The following SLC35F1 variants were observed in gnomAD, a reference collection of about 807,000 sequenced individuals.
The protein encoded by SLC35F1 is chromosome 6 open reading frame 169.
In SLC35F1, 14 loss-of-function variants were observed where a neutral mutation model predicts 48.7. The ratio of observed to expected loss-of-function variants is 0.29; its 90% CI spans 0.19 to 0.45. The LOEUF (loss-of-function observed/expected upper bound fraction) is 0.45, where lower values mean the gene tolerates loss of function less well. SLC35F1 is among the 20% of genes least tolerant of loss of function. SLC35F1 has a pLI of 1.00. For missense variants in SLC35F1, 404 were observed against 500.0 expected, an observed-to-expected ratio of 0.81 and a Z score of 1.83; for synonymous variants, 190 against 202.2, an observed-to-expected ratio of 0.94 and a Z score of 0.51.
intron 2 of SLC35F1, among the ~76,000 whole-genome samples, chr6:118,193,266 G>A (rs1774756487): frequency 6.6e-6 from 1 of 152,046 alleles, no homozygotes; most frequent in South Asian, 2.1e-4. Flanking sequence ...AAGGTCAAAA[G>A]GTTTATTCTC....
intron 1 of SLC35F1, among the ~76,000 whole-genome samples, chr6:118,146,930 C>T (rs1041765617): frequency 9.9e-5 from 15 of 152,142 alleles, no homozygotes; most frequent in Non-Finnish European, 1.5e-4. Context: ...AGATCAGTAT[C>T]TTCTAAAAGT....
At chr6:118,243,448 T>C (rs1193482004) in intron 3 of SLC35F1, among the ~76,000 whole-genome samples, 2 of 152,120 alleles carry the variant, frequency 1.3e-5, no homozygotes, top group Non-Finnish European at 2.9e-5. Context: ...ACCCCAATTC[T>C]ACAAAAAGAA....
chr6:118,214,956 T>C (rs465226), intron 2 of SLC35F1, among the ~76,000 whole-genome samples: 10,126 of 152,244 alleles, frequency 0.067, 398 homozygotes, highest in South Asian at 0.12. Flanking sequence ...AGTAATCAAC[T>C]GATAATTGAC....
At chr6:118,081,987 A>G (rs1180690628) in intron 1 of SLC35F1, among the ~76,000 whole-genome samples, 1 of 152,212 alleles carries the variant, frequency 6.6e-6, no homozygotes, top group Admixed American at 6.5e-5. Context: ...GTTAATCTGT[A>G]TCAATAACCT....
At chr6:117,916,063 T>C (rs951464111) in intron 1 of SLC35F1, among the ~76,000 whole-genome samples, 1 of 152,168 alleles carries the variant, frequency 6.6e-6, no homozygotes, top group African/African-American at 2.4e-5. Context: ...GGGTGCTGAG[T>C]GAGCTAGAGG....
At chr6:118,224,529 G>A (rs982160954) in intron 2 of SLC35F1, among the ~76,000 whole-genome samples, 5 of 151,948 alleles carry the variant, frequency 3.3e-5, no homozygotes, top group Non-Finnish European at 7.4e-5. Context: ...TGAGTATCCG[G>A]GACTATAGGC....
At chr6:118,085,831 GA>G (rs535648892) in intron 1 of SLC35F1, among the ~76,000 whole-genome samples, 67 of 152,194 alleles carry the variant, frequency 4.4e-4, no homozygotes, top group Admixed American at 1.4e-3. Context: ...TTGATGGATG[GA>G]TTTGGGGCCT....
chr6:118,037,130 A>T (rs1196580734), intron 1 of SLC35F1, among the ~76,000 whole-genome samples: 1 of 152,186 alleles, frequency 6.6e-6, no homozygotes, highest in Non-Finnish European at 1.5e-5. Flanking sequence ...TTGCCTTTGT[A>T]AAATTAAGTT....
chr6:117,907,562 G>A lies in SLC35F1; in HGVS notation c.-165G>A. 2.6e-6 allele frequency: 1 copy of A among 385,856 alleles called. No individual in the cohort carries two copies. Among genetic ancestry groups the A allele is most frequent in the East Asian group, 4.2e-5 (1 of 24,004 alleles). The allele number at this position is 385,856 out of a possible 1,614,324, so 23.9% of individuals were successfully genotyped here. On this transcript the variant is annotated 5_prime_UTR_variant, in exon 1 of 8. Transcript: ENST00000360388. ...GGAGTGAGTGGCGGGCTGGGCGGCG[G>A]CGGCCGTAGCCGCGGGTGCCTCCCC...
chr6:118,308,388 C>G (rs1413161759), intron 7 of SLC35F1, among the ~76,000 whole-genome samples: 1 of 152,094 alleles, frequency 6.6e-6, no homozygotes, highest in African/African-American at 2.4e-5. Context: ...CTCATTTTTC[C>G]CAGGAATAAT....
intron 1 of SLC35F1, among the ~76,000 whole-genome samples, chr6:118,091,135 T>A (rs1392092286): frequency 1.3e-5 from 2 of 152,226 alleles, no homozygotes; most frequent in Non-Finnish European, 2.9e-5. Flanking sequence ...AGAACATGTT[T>A]GGATGTGTTG....
chr6:118,122,719 TG>T (rs1773569267), intron 1 of SLC35F1, among the ~76,000 whole-genome samples: 1 of 152,218 alleles, frequency 6.6e-6, no homozygotes, highest in African/African-American at 2.4e-5. Context: ...AGCTGTGCTG[TG>T]GCCAAAAGGC....
intron 7 of SLC35F1, among the ~76,000 whole-genome samples, chr6:118,288,067 A>T (rs560226690): frequency 2.1e-4 from 32 of 151,538 alleles, no homozygotes; most frequent in Non-Finnish European, 3.4e-4. Flanking sequence ...TATTTGAAAG[A>T]TAAATTTTCT....
chr6:118,151,880 T>G (rs975135111), intron 1 of SLC35F1, among the ~76,000 whole-genome samples: 1 of 152,132 alleles, frequency 6.6e-6, no homozygotes, highest in African/African-American at 2.4e-5. Context: ...CTTTCTTTTT[T>G]TTATTAATCA....
rs57832608 is a variant in SLC35F1, at chr6:118,309,169, A to ATGTGTGTG, written c.1003-4832_1003-4825dup. Among the ~76,000 whole-genome samples the ATGTGTGTG allele has an allele frequency of 1.1e-3, 161 of 148,212 alleles. 1 individual carries two copies. The highest frequency in any genetic ancestry group is 1.5e-3 in the South Asian group (7 of 4,568). ...TCAGGTCACCAGAAGGGGCCTGTAG[A>ATGTGTGTG]TGTGTGTGTGTGTGTGTGTGTGTGT... On this transcript the variant is annotated intron_variant, in intron 7 of 7. Coordinates refer to ENST00000360388, the MANE Select transcript of SLC35F1 (RefSeq NM_001029858.4).
At chr6:117,923,794 C>CATATGCACATACATATGT (rs1775974322) in intron 1 of SLC35F1, among the ~76,000 whole-genome samples, 6 of 99,338 alleles carry the variant, frequency 6.0e-5, no homozygotes, top group African/African-American at 2.8e-4. Context: ...CATATATGTA[C>CATATGCACATACATATGT]ATATATACAT....
At chr6:117,913,918 G>T (rs1430124251) in intron 1 of SLC35F1, among the ~76,000 whole-genome samples, 13 of 151,994 alleles carry the variant, frequency 8.6e-5, no homozygotes, top group Non-Finnish European at 1.8e-4. Flanking sequence ...GGGCGTGGTG[G>T]TATGCGCTTA....
intron 7 of SLC35F1, among the ~76,000 whole-genome samples, chr6:118,307,933 A>G (rs1776331594): frequency 6.6e-6 from 1 of 152,216 alleles, no homozygotes; most frequent in Admixed American, 6.5e-5. Flanking sequence ...AGGACTGCCA[A>G]GAGTTGAGCT....
intron 2 of SLC35F1, among the ~76,000 whole-genome samples, chr6:118,226,469 T>A (rs1323499722): frequency 8.2e-6 from 1 of 122,576 alleles, no homozygotes; most frequent in Non-Finnish European, 1.7e-5. Context: ...TAAGTGTCCA[T>A]CAACTGATGA....
Sources: allele counts gnomAD v4.1 joint callset (sites outside exome capture counted in the v4.1 genomes callset), GRCh38; gene constraint gnomAD v4.1.1; transcripts MANE v1.5; gene names NCBI Gene and HGNC (gene_info 2026-07-23, HGNC 2026-07-21).